The following CDC27 variants were observed in gnomAD, a reference collection of about 807,000 sequenced individuals.
The protein encoded by CDC27 is cell division cycle protein 27 homolog.
A neutral mutation model predicts 109.7 loss-of-function variants in CDC27; 27 were observed. The observed-to-expected ratio is 0.25, with a 90% CI of 0.18 to 0.34. CDC27 has a LOEUF of 0.34. Ranked by LOEUF, CDC27 falls within the 10% of genes least tolerant of loss-of-function variation. The pLI, the probability that CDC27 is intolerant of heterozygous loss-of-function variation, is 1.00. For missense variants in CDC27, 579 were observed against 960.2 expected, an observed-to-expected ratio of 0.60 and a Z score of 5.25; for synonymous variants, 266 against 333.9, an observed-to-expected ratio of 0.80 and a Z score of 2.22.
chr17:47,130,588 G>C (rs902803020), intron 15 of CDC27, among the ~76,000 whole-genome samples: 1 of 151,768 alleles, frequency 6.6e-6, no homozygotes, highest in Non-Finnish European at 1.5e-5. Flanking sequence ...TTATAAAGTG[G>C]GGTGGGCTGG....
At chr17:47,150,618 T>G (rs2063125367) in intron 9 of CDC27, among the ~76,000 whole-genome samples, 1 of 152,242 alleles carries the variant, frequency 6.6e-6, no homozygotes, top group East Asian at 1.9e-4. Flanking sequence ...TGTAAGAGAA[T>G]AAGTATCTGT....
At chr17:47,165,315 G>A (rs574177834) in intron 4 of CDC27, among the ~76,000 whole-genome samples, 126 of 152,254 alleles carry the variant, frequency 8.3e-4, no homozygotes, top group African/African-American at 3.0e-3. Flanking sequence ...AGCAGTGTAC[G>A]AGGAATCCTG....
At position 47,129,425 on chromosome 17, in the gene CDC27, C is replaced by G; in HGVS notation, c.2128G>C (p.Ala710Pro). Residue 710 changes from alanine to proline, a missense_variant, in exon 16 of 19, where the codon GCC becomes CCC. Ala to Pro is a conservative substitution (Grantham distance 27, BLOSUM62 -1). Coordinates refer to ENST00000066544, the MANE Select transcript of CDC27 (RefSeq NM_001256.6). ...TTTTCATTTGCAAATAAAACTGAGG[C>G]TCTGTGAAATTTGCATAGAGGGTTC... ...PKNPLCKFHR[A>P]SVLFANEKYK... The G allele has an allele frequency of 6.2e-7, 1 of 1,612,054 alleles. No homozygotes were observed. The highest frequency in any genetic ancestry group is 8.5e-7 in the Non-Finnish European group (1 of 1,178,390).
intron 7 of CDC27, among the ~76,000 whole-genome samples, chr17:47,155,978 T>TTCC (rs2063291431): frequency 6.6e-6 from 1 of 152,086 alleles, no homozygotes; most frequent in Non-Finnish European, 1.5e-5. Context: ...GGTGTCAAAT[T>TTCC]TCCTCCATGT....
intron 16 of CDC27, among the ~76,000 whole-genome samples, chr17:47,125,934 T>C (rs183890937): frequency 6.6e-6 from 1 of 152,354 alleles, no homozygotes; most frequent in African/African-American, 2.4e-5. Flanking sequence ...TTTCTTTCTA[T>C]GATTGCATAT....
chr17:47,157,720 T>C (rs2063360617), intron 5 of CDC27, among the ~76,000 whole-genome samples: 4 of 152,202 alleles, frequency 2.6e-5, no homozygotes, highest in Admixed American at 2.6e-4. Flanking sequence ...GTTGAAGAGT[T>C]AAAACCCATC....
intron 4 of CDC27, 72 bp from the exon 5 acceptor site, chr17:47,158,375 A>G: frequency 1.5e-6 from 1 of 660,056 alleles, no homozygotes; most frequent in South Asian, 4.3e-5. Context: ...TTAGTATAAA[A>G]AATTAGGTAA....
chr17:47,181,704 C>T (rs1350725252), intron 1 of CDC27, 67 bp from the exon 2 acceptor site: 3 of 791,834 alleles, frequency 3.8e-6, no homozygotes, highest in Admixed American at 2.2e-5. Flanking sequence ...TACTAGCACA[C>T]AGCCTTACAT....
At chr17:47,156,770 A>C in intron 7 of CDC27, 143 bp downstream of exon 7, 1 of 442,902 alleles carries the variant, frequency 2.3e-6, no homozygotes, top group South Asian at 5.8e-5. Context: ...GCCAGTTTTT[A>C]CTTCATTTTC....
chr17:47,165,851 A>G (rs1262822929), intron 4 of CDC27, among the ~76,000 whole-genome samples: 4 of 152,188 alleles, frequency 2.6e-5, no homozygotes, highest in Non-Finnish European at 5.9e-5. Flanking sequence ...GTCAATGCTC[A>G]TTTCTCTGCC....
At chr17:47,155,963 A>T (rs1301666306) in intron 7 of CDC27, among the ~76,000 whole-genome samples, 1 of 152,184 alleles carries the variant, frequency 6.6e-6, no homozygotes, top group Non-Finnish European at 1.5e-5. Flanking sequence ...AAACAAAAAA[A>T]GGTAGGTGTC....
chr17:47,163,208 C>T (rs910059211), intron 4 of CDC27, among the ~76,000 whole-genome samples: 1 of 142,898 alleles, frequency 7.0e-6, no homozygotes, highest in African/African-American at 2.5e-5. Flanking sequence ...GTCTCATGTG[C>T]TGTAATAGAC....
intron 9 of CDC27, 127 bp from the exon 10 acceptor site, chr17:47,144,109 T>C: frequency 3.0e-6 from 1 of 337,642 alleles, no homozygotes; most frequent in Non-Finnish European, 5.2e-6. Context: ...TTGATGAATT[T>C]GATCAGTTCT....
chr17:47,152,744 C>A (rs920664414), intron 8 of CDC27, among the ~76,000 whole-genome samples: 2 of 152,144 alleles, frequency 1.3e-5, no homozygotes, highest in Non-Finnish European at 2.9e-5. Flanking sequence ...GATATTAAAA[C>A]CTTATTTTAG....
At chr17:47,164,984 T>C (rs1236192727) in intron 4 of CDC27, among the ~76,000 whole-genome samples, 4 of 152,174 alleles carry the variant, frequency 2.6e-5, no homozygotes, top group Non-Finnish European at 4.4e-5. Flanking sequence ...AACCCCTAAA[T>C]AGTTACATCC....
chr17:47,123,648 G>A (rs372689190), intron 17 of CDC27, among the ~76,000 whole-genome samples: 8 of 152,054 alleles, frequency 5.3e-5, no homozygotes, highest in African/African-American at 9.6e-5. Context: ...CTGACCTCAC[G>A]TAATCTACCT....
At chr17:47,159,393 C>A in intron 4 of CDC27, 1 of 977,222 alleles carries the variant, frequency 1.0e-6, no homozygotes, top group Non-Finnish European at 1.5e-6. Flanking sequence ...AGTGCAGCCC[C>A]TGGCTGAGGT....
At chr17:47,125,214 C>T (rs940921895) in intron 16 of CDC27, among the ~76,000 whole-genome samples, 2 of 149,950 alleles carry the variant, frequency 1.3e-5, no homozygotes, top group African/African-American at 4.9e-5. Flanking sequence ...GCCACTGCAC[C>T]CGGCCTTACT....
intron 16 of CDC27, 52 bp from the exon 17 acceptor site, chr17:47,124,012 A>T (rs1252940611): frequency 7.9e-7 from 1 of 1,265,310 alleles, no homozygotes; most frequent in East Asian, 2.4e-5. Flanking sequence ...TAAAGTTTTG[A>T]CCAAGCGTTT....
Sources: gnomAD v4.1 joint callset for allele counts (sites outside exome capture counted in the v4.1 genomes callset) on GRCh38, gnomAD v4.1.1 for gene constraint, MANE v1.5 for transcripts, NCBI Gene and HGNC (gene_info 2026-07-23, HGNC 2026-07-21) for gene names.